The following IPO11 variants were observed in gnomAD, a reference collection of about 807,000 sequenced individuals.
IPO11 encodes importin 11.
A neutral mutation model predicts 143.2 loss-of-function variants in IPO11; 66 were observed. The ratio of observed to expected loss-of-function variants is 0.46; its 90% confidence interval spans 0.38 to 0.57. IPO11 has a LOEUF of 0.57. Ranked by LOEUF, IPO11 falls within the 20% of genes least tolerant of loss-of-function variation. The pLI is 0.00. For missense variants in IPO11, 1,026 were observed against 1,141.0 expected, an observed-to-expected ratio of 0.90 and a Z score of 1.45; for synonymous variants, 385 against 377.8, an observed-to-expected ratio of 1.02 and a Z score of -0.22.
At chr5:62,552,966 A>G (rs1216895894) in intron 26 of IPO11, among the ~76,000 whole-genome samples, 1 of 152,230 alleles carries the variant, frequency 6.6e-6, no homozygotes, top group Non-Finnish European at 1.5e-5. Flanking sequence ...TTGGGAACAT[A>G]CAACAGCCTC....
At chr5:62,476,996 A>G (rs1745982777) in intron 9 of IPO11, among the ~76,000 whole-genome samples, 1 of 152,192 alleles carries the variant, frequency 6.6e-6, no homozygotes, top group African/African-American at 2.4e-5. Context: ...TCTAATAAAT[A>G]TTAGAGTATT....
intron 27 of IPO11, among the ~76,000 whole-genome samples, chr5:62,583,115 T>G (rs1384552091): frequency 6.6e-6 from 1 of 152,236 alleles, no homozygotes; most frequent in Non-Finnish European, 1.5e-5. Context: ...TGTTTTGTTA[T>G]GGAAGAGCAA....
At chr5:62,598,105 GTCT>G (rs1220877494) in intron 28 of IPO11, among the ~76,000 whole-genome samples, 1 of 152,110 alleles carries the variant, frequency 6.6e-6, no homozygotes, top group African/African-American at 2.4e-5. Flanking sequence ...TGCATTAGAT[GTCT>G]TCTTATGTCT....
intron 27 of IPO11, among the ~76,000 whole-genome samples, chr5:62,586,316 A>G (rs191457742): frequency 6.6e-6 from 1 of 152,220 alleles, no homozygotes; most frequent in African/African-American, 2.4e-5. Flanking sequence ...CTTCTTGCAA[A>G]CTTTGACATT....
intron 27 of IPO11, among the ~76,000 whole-genome samples, chr5:62,568,593 A>AAAAAAATTC (rs1199624803): frequency 6.6e-6 from 1 of 150,982 alleles, no homozygotes; most frequent in African/African-American, 2.4e-5. Flanking sequence ...AAAAAAAAAA[A>AAAAAAATTC]AAAATTCAAT....
chr5:62,575,144 T>A (rs1391627633), intron 27 of IPO11, among the ~76,000 whole-genome samples: 3 of 152,228 alleles, frequency 2.0e-5, no homozygotes, highest in Non-Finnish European at 4.4e-5. Context: ...GTAATGCTCA[T>A]GGACAAATTT....
At chr5:62,557,467 G>GCCA (rs1187573837) in intron 26 of IPO11, among the ~76,000 whole-genome samples, 1 of 152,174 alleles carries the variant, frequency 6.6e-6, no homozygotes, top group African/African-American at 2.4e-5. Context: ...ACAGGCATGG[G>GCCA]CCACCATGCC....
At chr5:62,492,783 C>T (rs921072814) in intron 15 of IPO11, among the ~76,000 whole-genome samples, 2 of 152,122 alleles carry the variant, frequency 1.3e-5, no homozygotes, top group African/African-American at 4.8e-5. Context: ...AGCCATCTGC[C>T]CACCTCAGCC....
chr5:62,551,316 G>A lies in IPO11; in HGVS notation c.2440G>A (p.Ala814Thr), dbSNP rs576558462. The change falls in exon 26 of 30, where the codon GCC (alanine) becomes ACC (threonine). Residue 814 changes from alanine to threonine, a missense_variant. This residue lies in a region of IPO11 where 351 missense variants were observed against 358.9 expected (regional missense o/e 0.98). Transcript: ENST00000325324. The stretch of plus-strand genomic sequence containing the variant: ...TTTTTCTTCACTACTTAATGAGATG[G>A]CCCATAAATTTAATCAGGAGGTAAG... ...SFFSSLLNEMAHKFNQEMDQL... is the reference protein window; with the variant it reads ...SFFSSLLNEMTHKFNQEMDQL... 42 of 1,587,088 alleles carry A rather than the reference G, an allele frequency of 2.6e-5. No individual in the cohort carries two copies. In the South Asian group the frequency reaches 4.4e-4, roughly 17 times the overall value.
chr5:62,530,394 A>G (rs552533167), intron 21 of IPO11, among the ~76,000 whole-genome samples: 2 of 152,232 alleles, frequency 1.3e-5, no homozygotes, highest in East Asian at 1.9e-4. Context: ...TGAATACTGT[A>G]TTTTTAATCT....
intron 27 of IPO11, among the ~76,000 whole-genome samples, chr5:62,584,612 CAAAAAAAAAAA>C (rs56062359): frequency 5.1e-5 from 3 of 58,656 alleles, no homozygotes; most frequent in African/African-American, 6.9e-5. Context: ...AACTGTGCCT[CAAAAAAAAAAA>C]AAAAAAAAAA....
intron 1 of IPO11, 85 bp from the exon 2 acceptor site, chr5:62,437,189 G>A (rs1453492628): frequency 9.0e-7 from 1 of 1,111,078 alleles, no homozygotes; most frequent in Non-Finnish European, 1.3e-6. Context: ...TTCAGAACAT[G>A]AAAGCTTTTT....
rs549519640 is a variant in IPO11 at position 62,455,344 on chromosome 5, AC to A, written c.516+3414del. Among the ~76,000 whole-genome samples the A allele has an allele frequency of 9.5e-4, 145 of 152,146 alleles. 1 individual carries two copies. Among genetic ancestry groups the A allele is most frequent in the Non-Finnish European group, 1.5e-3 (105 of 68,002 alleles). On this transcript the variant is annotated intron_variant, in intron 5 of 29. Transcript: ENST00000325324. Reference sequence around the variant, plus strand: ...AGACCAGCCTGGGCAACATGGTGAAACCCTGTCTGTACTAAAAATACAAAAA... The same window carrying A: ...AGACCAGCCTGGGCAACATGGTGAAACCTGTCTGTACTAAAAATACAAAAA...
intron 16 of IPO11, 47 bp downstream of exon 16, chr5:62,494,171 CTG>C (rs748655881): frequency 2.6e-6 from 4 of 1,531,052 alleles, no homozygotes; most frequent in African/African-American, 1.4e-5. Flanking sequence ...AAAGTTTCAT[CTG>C]TGCAAATCAT....
At chr5:62,605,620 T>C (rs1208892139) in intron 29 of IPO11, among the ~76,000 whole-genome samples, 1 of 152,044 alleles carries the variant, frequency 6.6e-6, no homozygotes, top group South Asian at 2.1e-4. Flanking sequence ...TTTTTTGAAA[T>C]CTGACTCATA....
At chr5:62,443,640 A>C (rs573810387) in intron 3 of IPO11, among the ~76,000 whole-genome samples, 279 of 152,182 alleles carry the variant, frequency 1.8e-3, no homozygotes, top group Non-Finnish European at 3.4e-3. Context: ...TTGGAAGAAA[A>C]AAAAAGCCAT....
At chr5:62,557,189 T>C (rs958997766) in intron 26 of IPO11, among the ~76,000 whole-genome samples, 42 of 152,192 alleles carry the variant, frequency 2.8e-4, no homozygotes, top group African/African-American at 9.6e-4. Context: ...GGTCATGAGC[T>C]CTTTTTTTTT....
chr5:62,593,204 C>T (rs748343033), intron 28 of IPO11, among the ~76,000 whole-genome samples: 1 of 152,090 alleles, frequency 6.6e-6, no homozygotes, highest in Non-Finnish European at 1.5e-5. Flanking sequence ...CTATATGTTA[C>T]AGTCTTCAGG....
At chr5:62,464,234 C>G (rs527779665) in intron 5 of IPO11, among the ~76,000 whole-genome samples, 8 of 134,800 alleles carry the variant, frequency 5.9e-5, no homozygotes, top group African/African-American at 1.9e-4. Context: ...TCTGCAACTT[C>G]TGCCTCCCGG....
Sources: allele counts gnomAD v4.1 joint callset (sites outside exome capture counted in the v4.1 genomes callset), GRCh38; gene constraint gnomAD v4.1.1; regional missense constraint gnomAD v4.1.1; transcripts MANE v1.5; gene names NCBI Gene and HGNC (gene_info 2026-07-23, HGNC 2026-07-21).